ASH1L: variants seen among roughly 807,000 people sequenced by gnomAD.
The protein encoded by ASH1L is ASH1 like histone lysine methyltransferase.
In ASH1L, 23 loss-of-function variants were observed where a neutral mutation model predicts 269.0. That is an observed-to-expected ratio of 0.09 (90% confidence interval 0.06 to 0.12). The LOEUF (loss-of-function observed/expected upper bound fraction) is 0.12. Ranked by LOEUF, ASH1L falls within the 10% of genes least tolerant of loss-of-function variation. The pLI is 1.00. For missense variants in ASH1L, 2,912 were observed against 3,567.8 expected, an observed-to-expected ratio of 0.82 and a Z score of 4.68; for synonymous variants, 1,187 against 1,253.5, an observed-to-expected ratio of 0.95 and a Z score of 1.12.
At chr1:155,425,142 G>GT (rs1450994626) in intron 5 of ASH1L, among the ~76,000 whole-genome samples, 1 of 151,520 alleles carries the variant, frequency 6.6e-6, no homozygotes, top group Non-Finnish European at 1.5e-5. Flanking sequence ...GCTAATTTTT[G>GT]TATTTTTAGT....
intron 2 of ASH1L, among the ~76,000 whole-genome samples, chr1:155,508,123 G>A (rs747306269): frequency 4.0e-5 from 6 of 151,582 alleles, no homozygotes; most frequent in Admixed American, 1.3e-4. Flanking sequence ...CTCCTTTTAA[G>A]TTACTGTGTG....
intron 2 of ASH1L, among the ~76,000 whole-genome samples, chr1:155,499,611 C>G (rs1270520672): frequency 6.6e-6 from 1 of 152,278 alleles, no homozygotes; most frequent in Admixed American, 6.5e-5. Flanking sequence ...TCTCAAAAAG[C>G]TTTCATTCAT....
Position 155,343,883 on chromosome 1 carries a change from T to A in ASH1L, c.7982-141A>T. 1 of 963,942 alleles carries A rather than the reference T, an allele frequency of 1.0e-6. No homozygotes were observed. Among genetic ancestry groups the A allele is most frequent in the Non-Finnish European group, 1.5e-6 (1 of 661,496 alleles). 59.7% of individuals were successfully genotyped at this position (963,942 alleles called of 1,614,324 possible). On this transcript the variant is annotated intron_variant, in intron 22 of 27. Transcript: ENST00000392403. The surrounding 1 kb of genome is among the most constrained non-coding windows in gnomAD (Gnocchi z 6.1). ...TACAGAGAGCTAAAAGCAGCAGTGT[T>A]AAGTGATGATAATCAATTCTAGACT...
Position 155,479,509 on chromosome 1 carries a change from C to T in ASH1L, c.3361G>A (p.Val1121Ile). Residue 1121 changes from valine (V) to isoleucine (I), a missense_variant, in exon 3 of 28, where the codon GTA becomes ATA. Around this residue, in one of 13 missense-constraint regions of ASH1L, gnomAD observed 157 missense variants for 154.6 expected, o/e 1.02. Transcript: ENST00000392403. ...TCAACAAAACCTGCATCACTACTTA[C>T]AGGGCTCTGACCTCCACTAGTCCCA... is the stretch of plus-strand genomic sequence containing the variant. ...SSGTSGGQSP[V>I]SSDAGFVEPS... 6.2e-7 allele frequency: 1 copy of T among 1,614,208 alleles called. No homozygotes were observed.
intron 6 of ASH1L, among the ~76,000 whole-genome samples, chr1:155,415,112 G>T (rs567049508): frequency 1.3e-5 from 2 of 151,952 alleles, no homozygotes; most frequent in South Asian, 2.1e-4. Context: ...GGCCAGGCAC[G>T]GTGGTTCACG....
intron 7 of ASH1L, among the ~76,000 whole-genome samples, chr1:155,381,916 A>C (rs1656996111): frequency 6.6e-6 from 1 of 151,656 alleles, no homozygotes; most frequent in East Asian, 1.9e-4. Flanking sequence ...CAAAACAAAA[A>C]AACAGCCTTG....
rs372723053 is a variant in ASH1L, at chr1:155,511,801, G to T, written c.420+9299C>A. The stretch of plus-strand genomic sequence containing the variant: ...TTACAGGGGTGAGCCACCACGCCCG[G>T]CAAGATTGTTTCTTTCTTTTCTTTT... On this transcript the variant is annotated intron_variant, in intron 2 of 27. Transcript: ENST00000392403. Among the ~76,000 whole-genome samples, 427 of 151,962 alleles carry T rather than the reference G, an allele frequency of 2.8e-3. 22 individuals carry two copies. The South Asian group carries it at 0.086, about 30-fold the overall frequency.
chr1:155,421,927 T>C (rs191085921), intron 5 of ASH1L, among the ~76,000 whole-genome samples: 1 of 152,246 alleles, frequency 6.6e-6, no homozygotes, highest in Admixed American at 6.6e-5. Flanking sequence ...ATTCACATTG[T>C]TGTACAACCA....
At chr1:155,381,772 G>A (rs1056041811) in intron 7 of ASH1L, among the ~76,000 whole-genome samples, 6 of 151,616 alleles carry the variant, frequency 4.0e-5, no homozygotes, top group Admixed American at 6.6e-5. Flanking sequence ...CTACTTGGGA[G>A]GCTGAAATAG....
intron 10 of ASH1L, among the ~76,000 whole-genome samples, 173 bp from the exon 11 acceptor site, chr1:155,371,156 G>A (rs146104809): frequency 1.3e-5 from 2 of 152,094 alleles, no homozygotes; most frequent in South Asian, 4.1e-4. Context: ...ATAATATTCA[G>A]AATTTCCAAG....
At position 155,481,334 on chromosome 1, in the gene ASH1L, T is replaced by G; in HGVS notation, c.1536A>C (p.Gly512=). The G allele has an allele frequency of 6.2e-7, 1 of 1,614,138 alleles. No homozygotes were observed. Among genetic ancestry groups the G allele is most frequent in the Non-Finnish European group, 8.5e-7 (1 of 1,179,990 alleles). Residue 512 remains glycine, a synonymous_variant, in exon 3 of 28, where the codon GGA becomes GGC. Coordinates refer to ENST00000392403, the MANE Select transcript of ASH1L (RefSeq NM_018489.3). ...TTTCATGCTTTGAGGTTTCATAAGA[T>G]CCCTTTTCACTGGATGAGAAACTGT... The part of the protein sequence containing the change: ...QQDSFSSSEK[G]SYETSKHEKQ...
At chr1:155,371,005 G>A in intron 10 of ASH1L, 22 bp from the exon 11 acceptor site, 1 of 1,610,500 alleles carries the variant, frequency 6.2e-7, no homozygotes. Flanking sequence ...AGGAATAACT[G>A]TACATCAACT....
chr1:155,417,859 G>C (rs1249724150), intron 5 of ASH1L, among the ~76,000 whole-genome samples: 1 of 151,950 alleles, frequency 6.6e-6, no homozygotes, highest in Middle Eastern at 3.2e-3. Flanking sequence ...TCGGGAGGCT[G>C]ATGCAGGGGA....
rs767620509 is a variant in ASH1L at position 155,338,071 on chromosome 1, G to A, written c.8803+18C>T. The A allele has an allele frequency of 6.2e-7, 1 of 1,608,952 alleles. No homozygotes were observed. Reference sequence around the variant, plus strand: ...CGCATTTATCTTAAACCCTAGATATGAACCTGATTCTTCTTACCATTTTTT... The same window carrying A: ...CGCATTTATCTTAAACCCTAGATATAAACCTGATTCTTCTTACCATTTTTT... On this transcript the variant is annotated intron_variant, in intron 27 of 27. Transcript: ENST00000392403.
chr1:155,547,578 C>T (rs1670914582), intron 1 of ASH1L, among the ~76,000 whole-genome samples: 1 of 151,886 alleles, frequency 6.6e-6, no homozygotes, highest in Non-Finnish European at 1.5e-5. Context: ...ACAAAATTAG[C>T]CAGGTGTGGT....
At chr1:155,358,701 TAAAAAAA>T (rs111834895) in intron 13 of ASH1L, 1 of 117,144 alleles carries the variant, frequency 8.5e-6, no homozygotes, top group Non-Finnish European at 1.9e-5. Context: ...AAAAAATTAA[TAAAAAAA>T]AAAAAAAACA....
intron 15 of ASH1L, among the ~76,000 whole-genome samples, chr1:155,355,815 C>T (rs1409344388): frequency 1.3e-5 from 2 of 151,708 alleles, no homozygotes; most frequent in African/African-American, 2.4e-5. Context: ...TTGTTTGCTT[C>T]TGAAAGAGAC....
chr1:155,493,096 C>T (rs1666921394), intron 2 of ASH1L, among the ~76,000 whole-genome samples: 1 of 152,204 alleles, frequency 6.6e-6, no homozygotes, highest in African/African-American at 2.4e-5. Context: ...GAATTACAAG[C>T]ATGTGCCACT....
Position 155,479,096 on chromosome 1 carries a change from A to C in ASH1L, c.3774T>G (p.Asp1258Glu). The change falls in exon 3 of 28, where the codon GAT becomes GAG. Residue 1258 changes from aspartate (D) to glutamate (E), a missense_variant. Physicochemically the swap from Asp to Glu is conservative, Grantham distance 45. Transcript: ENST00000392403. ...HKHKCKRRNH[D>E]YLSYDKMKRQ... ...TTTTCATCTTGTCATAGCTGAGGTA[A>C]TCATGATTCCTGCGCTTACATTTGT... The C allele has an allele frequency of 1.2e-6, 2 of 1,614,086 alleles. No individual in the cohort carries two copies. Among genetic ancestry groups the C allele is most frequent in the Non-Finnish European group, 1.7e-6 (2 of 1,180,014 alleles).
Sources: allele counts gnomAD v4.1 joint callset (sites outside exome capture counted in the v4.1 genomes callset), GRCh38; gene constraint gnomAD v4.1.1; regional missense constraint gnomAD v4.1.1; non-coding constraint Gnocchi (gnomAD v3.1); transcripts MANE v1.5; gene names NCBI Gene and HGNC (gene_info 2026-07-23, HGNC 2026-07-21).